PIDD1: variants seen among roughly 807,000 people sequenced by gnomAD.
PIDD1 encodes p53-induced death domain-containing protein 1.
Under a neutral mutation model 80.0 loss-of-function variants are expected in PIDD1, and 72 were observed. That is an observed-to-expected ratio of 0.90 (90% CI 0.74 to 1.09). PIDD1 has a LOEUF of 1.09. Ranked by LOEUF, PIDD1 falls within the 50% of genes least tolerant of loss-of-function variation. PIDD1 has a pLI of 0.00. For synonymous variants in PIDD1, 655 were observed against 543.5 expected (o/e 1.21, Z -2.85); for missense variants, 1,329 against 1,228.3 (o/e 1.08, Z -1.23).
At chr11:808,516 C>T (rs992341599), upstream of PIDD1, among the ~76,000 whole-genome samples, 1 of 152,108 alleles carries the variant, frequency 6.6e-6, no homozygotes, top group African/African-American at 2.4e-5. Context: ...ATCGCTTGAG[C>T]CCATGTTGGA....
upstream of PIDD1, chr11:805,516 G>A: frequency 4.3e-6 from 3 of 692,858 alleles, no homozygotes; most frequent in Non-Finnish European, 5.3e-6. Flanking sequence ...CGCCCTTTCC[G>A]AGGTTCTCGG....
At chr11:807,143 G>A (rs1401919398), upstream of PIDD1, among the ~76,000 whole-genome samples, 1 of 147,374 alleles carries the variant, frequency 6.8e-6, no homozygotes, top group Admixed American at 6.9e-5. Context: ...GGTGAGCTGA[G>A]ATCTCGGCAC....
At position 802,787 on chromosome 11, in the gene PIDD1, C is replaced by T; in HGVS notation, c.814G>A (p.Asp272Asn). ...GGGGGCAGGTCCCGGAGCTGGTTGT[C>T]CCTCAGGTCGAGCCGGGTGAGGAGT... ...LPLLTRLDLR[D>N]NQLRDLPPEL... is the part of the protein sequence containing the mutation. Residue 272 changes from aspartate to asparagine, a missense_variant, in exon 4 of 16, where the codon GAC becomes AAC. Physicochemically the swap from Asp to Asn is conservative, Grantham distance 23. Transcript: ENST00000347755. The T allele has an allele frequency of 6.2e-7, 1 of 1,607,206 alleles. No individual in the cohort carries two copies. The highest frequency in any genetic ancestry group is 8.5e-7 in the Non-Finnish European group (1 of 1,177,552).
rs143306083 is a variant in PIDD1 at position 802,722 on chromosome 11, G to T, written c.879C>A (p.Asn293Lys). ...LDAPFVRLQGNPLGEASPDAP... is the reference protein window; with the variant it reads ...LDAPFVRLQGKPLGEASPDAP... ...CGTCTGGCGAGGCCTCACCCAGGGG[G>T]TTCCCCTGCAGGCGCACAAAGGGGG... The change falls in exon 4 of 16, where the codon AAC becomes AAA. Residue 293 changes from asparagine to lysine, a missense_variant. Transcript: ENST00000347755. 2.5e-6 allele frequency: 4 copies of T among 1,611,960 alleles called. No individual in the cohort carries two copies. The Admixed American group carries it at 5.0e-5, about 20-fold the overall frequency.
chr11:802,845 C>T lies in PIDD1; in HGVS notation c.756G>A (p.Leu252=), dbSNP rs368074310. Residue 252 remains leucine, a synonymous_variant, in exon 4 of 16, where the codon CTG becomes CTA. Coordinates refer to ENST00000347755, the MANE Select transcript of PIDD1 (RefSeq NM_145886.4). ...GGGCCAAGTCAGCTGGCACAGAGGCCAGGAGGTTGCTGTGCAGGACAAGGA... is the reference window on the plus strand; with the variant it reads ...GGGCCAAGTCAGCTGGCACAGAGGCTAGGAGGTTGCTGTGCAGGACAAGGA... ...LRLLVLHSNL[L]ASVPADLARL... is the part of the protein sequence containing the mutation. 2.1e-5 allele frequency: 34 copies of T among 1,590,250 alleles called. No individual in the cohort carries two copies. Among genetic ancestry groups the T allele is most frequent in the Non-Finnish European group, 2.7e-5 (32 of 1,169,316 alleles).
At chr11:809,136 A>G (rs1278392035), upstream of PIDD1, among the ~76,000 whole-genome samples, 1 of 152,082 alleles carries the variant, frequency 6.6e-6, no homozygotes, top group African/African-American at 2.4e-5. Flanking sequence ...GGCAGGGCCA[A>G]CCCTGTTCCC....
In PIDD1 at chr11:803,156, G is replaced by T; in HGVS notation, c.709+18C>A. On this transcript the variant is annotated intron_variant, in intron 3 of 15. Coordinates refer to ENST00000347755, the MANE Select transcript of PIDD1 (RefSeq NM_145886.4). ...CCCTCCCGTGGGGCCAGTGTGTCGG[G>T]GCGCAGGGGCTACTCACCCAGAGAG... 2 of 1,553,872 alleles carry T rather than the reference G, an allele frequency of 1.3e-6. No homozygotes were observed. Among genetic ancestry groups the T allele is most frequent in the Non-Finnish European group, 1.8e-6 (2 of 1,141,096 alleles).
chr11:805,363 G>A (rs1445020388), upstream of PIDD1: 5 of 407,242 alleles, frequency 1.2e-5, no homozygotes, highest in Non-Finnish European at 1.7e-5. Context: ...TCCCCGACCC[G>A]CCTTCCCTCC....
Position 802,560 on chromosome 11 carries a change from C to G in PIDD1, c.957G>C (p.Leu319=). The G allele has an allele frequency of 6.2e-7, 1 of 1,613,406 alleles. No individual in the cohort carries two copies. The highest frequency in any genetic ancestry group is 1.1e-5 in the South Asian group (1 of 90,966). The change falls in exon 5 of 16, where the codon CTG becomes CTC. Residue 319 remains leucine (L), a synonymous_variant. Coordinates refer to ENST00000347755, the MANE Select transcript of PIDD1 (RefSeq NM_145886.4). ...CCCCATACCTGTCCAAATCTGAGGT[C>G]AGGAACAGTCTGGGCATTTCTGGAA... ...ALIPEMPRLF[L]TSDLDSFPVT...
At chr11:808,599 G>A (rs2133828520), upstream of PIDD1, among the ~76,000 whole-genome samples, 1 of 152,334 alleles carries the variant, frequency 6.6e-6, no homozygotes, top group South Asian at 2.1e-4. Flanking sequence ...AGGAGGCTGA[G>A]GTGGGAGGAT....
rs1165091629 is a variant in PIDD1 at position 800,192 on chromosome 11, G to C, written c.2213C>G (p.Ala738Gly). 6.2e-7 allele frequency: 1 copy of C among 1,610,994 alleles called. No individual in the cohort carries two copies. The change falls in exon 14 of 16, where the codon GCT (alanine) becomes GGT (glycine). Residue 738 changes from alanine (A) to glycine (G), a missense_variant. By Grantham distance (60) the Ala-to-Gly change is moderately conservative. Transcript: ENST00000347755. The part of the protein sequence containing the change: ...VPVRVPEEAE[A>G]ARQRKGADAL... ...GTCTGCGCCCTTCCTCTGCCGGGCAGCCTCAGCCTCCTCGGGCACCCGCAC... is the reference window on the plus strand; with the variant it reads ...GTCTGCGCCCTTCCTCTGCCGGGCACCCTCAGCCTCCTCGGGCACCCGCAC...
chr11:808,342 G>A (rs1299188286), upstream of PIDD1, among the ~76,000 whole-genome samples: 2 of 151,950 alleles, frequency 1.3e-5, no homozygotes, highest in African/African-American at 2.4e-5. Context: ...CAGGAGAATC[G>A]CTTGAACCCA....
Position 803,376 on chromosome 11 carries a change from G to T in PIDD1, c.507C>A (p.Ala169=). The T allele has an allele frequency of 6.2e-7, 1 of 1,613,954 alleles. No individual in the cohort carries two copies. The highest frequency in any genetic ancestry group is 8.5e-7 in the Non-Finnish European group (1 of 1,179,994). ...CLSELPEALG[A]LPALTFLTVT... The stretch of plus-strand genomic sequence containing the variant: ...CTGTGAGGAAGGTGAGGGCGGGGAG[G>T]GCCCCCAGAGCCTCAGGCAGCTCAG... The change falls in exon 3 of 16, where the codon GCC becomes GCA. Residue 169 remains alanine (A), a synonymous_variant. Coordinates refer to ENST00000347755, the MANE Select transcript of PIDD1 (RefSeq NM_145886.4).
rs766732950 is a variant in PIDD1 at position 802,191 on chromosome 11, A to C, written c.1176+4T>G. On this transcript the variant is annotated splice_donor_region_variant and intron_variant, in intron 6 of 15. Coordinates refer to ENST00000347755, the MANE Select transcript of PIDD1 (RefSeq NM_145886.4). ...ACACTGCCCCCGCCACGCCCTGTCC[A>C]TGCCTGCTGGAAGGCCACCCCATGG... is the stretch of plus-strand genomic sequence containing the variant. 1 of 1,599,764 alleles carries C rather than the reference A, an allele frequency of 6.3e-7. No individual in the cohort carries two copies. The highest frequency in any genetic ancestry group is 1.8e-5 in the Admixed American group (1 of 57,054).
At position 800,917 on chromosome 11, in the gene PIDD1, G is replaced by A. The variant is rs1367258046; in HGVS notation, c.1767-5C>T. 2.5e-6 allele frequency: 4 copies of A among 1,593,826 alleles called. No homozygotes were observed. The highest frequency in any genetic ancestry group is 1.1e-5 in the South Asian group (1 of 88,010). On this transcript the variant is annotated splice_polypyrimidine_tract_variant and splice_region_variant and intron_variant, in intron 10 of 15. Coordinates refer to ENST00000347755, the MANE Select transcript of PIDD1 (RefSeq NM_145886.4). ...GTGGTGTACCAGAGCCAGTACCTGG[G>A]AGAGCTGGGGGTGAGGAGGGCTGTA... is the stretch of plus-strand genomic sequence containing the variant.
Position 799,950 on chromosome 11 carries a change from C to T in PIDD1, c.2339G>A (p.Gly780Glu). Residue 780 changes from glycine to glutamate, a missense_variant, in exon 15 of 16, where the codon GGA (glycine) becomes GAA (glutamate). Gly to Glu is a moderately conservative substitution (Grantham distance 98, BLOSUM62 -2). Coordinates refer to ENST00000347755, the MANE Select transcript of PIDD1 (RefSeq NM_145886.4). ...AGLSLAPLNLGDAETGFLTQS... is the reference protein window; with the variant it reads ...AGLSLAPLNLEDAETGFLTQS... ...CGTCAGAAAGCCGGTCTCGGCATCT[C>T]CCAGATTCAAGGGTGCCAAGGAGAG... 1 of 1,612,846 alleles carries T rather than the reference C, an allele frequency of 6.2e-7. No individual in the cohort carries two copies. The highest frequency in any genetic ancestry group is 8.5e-7 in the Non-Finnish European group (1 of 1,179,952).
At chr11:808,245 G>A (rs939139345), upstream of PIDD1, among the ~76,000 whole-genome samples, 1 of 151,526 alleles carries the variant, frequency 6.6e-6, no homozygotes, top group African/African-American at 2.4e-5. Context: ...TGGCCAACAT[G>A]GTGAAACCCC....
In PIDD1 at chr11:801,643, G is replaced by C; in HGVS notation, c.1303-19C>G. On this transcript the variant is annotated intron_variant, in intron 7 of 15. Transcript: ENST00000347755. The stretch of plus-strand genomic sequence containing the variant: ...AGAGCCGCTGGGATGGGGGAGAGAG[G>C]AGGTCACAGGAGCCTGGGTCAGGGC... 6.5e-7 allele frequency: 1 copy of C among 1,546,698 alleles called. No homozygotes were observed. Among genetic ancestry groups the C allele is most frequent in the Non-Finnish European group, 8.8e-7 (1 of 1,142,722 alleles).
chr11:799,189 G>A lies in PIDD1; in HGVS notation c.*118C>T, dbSNP rs1864993710. The A allele has an allele frequency of 9.4e-7, 1 of 1,069,420 alleles. No homozygotes were observed. The highest frequency in any genetic ancestry group is 2.6e-5 in the East Asian group (1 of 37,798). The allele number at this position is 1,069,420 out of a possible 1,614,324, so 66.2% of individuals were successfully genotyped here. A position where few individuals can be genotyped will look rare whatever the true frequency, so the allele number is the denominator to read the frequency against. On this transcript the variant is annotated 3_prime_UTR_variant, in exon 16 of 16. Coordinates refer to ENST00000347755, the MANE Select transcript of PIDD1 (RefSeq NM_145886.4). ...AAATAAATCAAGCTCTGAGGTGAAA[G>A]AAACAGTGCAGTTTTGTTGCTCACA...
Sources: gnomAD v4.1 joint callset for allele counts (sites outside exome capture counted in the v4.1 genomes callset) on GRCh38, gnomAD v4.1.1 for gene constraint, MANE v1.5 for transcripts, NCBI Gene and HGNC (gene_info 2026-07-23, HGNC 2026-07-21) for gene names.